ADGRG4: variants seen among roughly 807,000 people sequenced by gnomAD.
ADGRG4 encodes adhesion G protein-coupled receptor G4.
ADGRG4 carries 122 observed loss-of-function variants against 126.2 expected under a neutral mutation model. The observed-to-expected ratio is 0.97, with a 90% CI of 0.83 to 1.12. The LOEUF (loss-of-function observed/expected upper bound fraction) is 1.12. Ranked by LOEUF, ADGRG4 falls within the 50% of genes most tolerant of loss-of-function variation. ADGRG4 has a pLI of 0.00. For synonymous variants in ADGRG4, 943 were observed against 838.7 expected, an observed-to-expected ratio of 1.12 and a Z score of -2.15; for missense variants, 2,481 against 2,251.8, an observed-to-expected ratio of 1.10 and a Z score of -2.06.
chrX:136,357,792 A>T, intron 10 of ADGRG4, 36 bp downstream of exon 10: 1 of 955,217 alleles, frequency 1.0e-6, no homozygotes, highest in East Asian at 3.1e-5. Flanking sequence ...AATAGCTGGC[A>T]CATTTAGTTC....
At chrX:136,304,428 A>G (rs1053825500) in intron 2 of ADGRG4, among the ~76,000 whole-genome samples, 1 of 112,547 alleles carries the variant, frequency 8.9e-6, no homozygotes, top group Non-Finnish European at 1.9e-5. Context: ...CTCAGTTTCC[A>G]TCTCTAGAAG....
At chrX:136,307,185 A>G (rs1300986407) in intron 3 of ADGRG4, among the ~76,000 whole-genome samples, 1 of 112,620 alleles carries the variant, frequency 8.9e-6, no homozygotes, top group Non-Finnish European at 1.9e-5. Context: ...CATTTTATAG[A>G]TAGCAATCAT....
intron 23 of ADGRG4, among the ~76,000 whole-genome samples, chrX:136,410,454 T>C (rs1290598192): frequency 8.9e-6 from 1 of 111,919 alleles, no homozygotes; most frequent in African/African-American, 3.2e-5. Flanking sequence ...AGTAGTGCTG[T>C]AGCTGAAATT....
At chrX:136,353,271 A>G in intron 7 of ADGRG4, 66 bp from the exon 8 acceptor site, 1 of 717,304 alleles carries the variant, frequency 1.4e-6, no homozygotes, top group Admixed American at 2.3e-5. Flanking sequence ...CACCATCCCA[A>G]GTGATTTTGC....
chrX:136,361,488 C>G lies in ADGRG4; in HGVS notation c.7178C>G (p.Ser2393Cys). The change falls in exon 12 of 26, where the codon TCT becomes TGT. Residue 2393 changes from serine (S) to cysteine (C), a missense_variant. Transcript: ENST00000394143. The part of the protein sequence containing the change: ...PGNCKADETA[S>C]KYKGTYKWLL... ...AATTGCAAAGCTGATGAAACAGCCT[C>G]TAAATACAAAGGGACCTATAAGTGG... 1 of 1,184,127 alleles carries G rather than the reference C, an allele frequency of 8.4e-7. No homozygotes were observed. The highest frequency in any genetic ancestry group is 1.1e-6 in the Non-Finnish European group (1 of 878,811).
intron 4 of ADGRG4, among the ~76,000 whole-genome samples, chrX:136,322,231 G>A (rs995663987): frequency 9.0e-6 from 1 of 111,710 alleles, no homozygotes; most frequent in Non-Finnish European, 1.9e-5. Context: ...CGCCCAGCTG[G>A]TCATTCTTCA....
intron 13 of ADGRG4, among the ~76,000 whole-genome samples, chrX:136,366,725 T>C: frequency 8.9e-6 from 1 of 112,582 alleles, no homozygotes; most frequent in South Asian, 3.7e-4. Flanking sequence ...ATTTTGGCTA[T>C]TCTAATAGGT....
At chrX:136,393,391 G>A (rs1569336248) in intron 17 of ADGRG4, 144 bp from the exon 18 acceptor site, 2 of 425,870 alleles carry the variant, frequency 4.7e-6, no homozygotes, top group Non-Finnish European at 8.0e-6. Flanking sequence ...TGGCCCAAAT[G>A]TGTATGTGTA....
Position 136,349,330 on chromosome X carries a change from C to T in ADGRG4, c.5624C>T (p.Thr1875Ile). Residue 1875 changes from threonine to isoleucine, a missense_variant, in exon 6 of 26, where the codon ACC (threonine) becomes ATC (isoleucine). Physicochemically the swap from Thr to Ile is moderately conservative, Grantham distance 89. Coordinates refer to ENST00000394143, the MANE Select transcript of ADGRG4 (RefSeq NM_153834.4). The part of the protein sequence containing the change: ...VLGTRMTSSN[T>I]QPLLMTSWNI... ...GGAACAAGAATGACATCTAGTAATA[C>T]CCAACCTCTGCTTATGACTTCCTGG... The T allele has an allele frequency of 8.3e-7, 1 of 1,209,660 alleles. No homozygotes were observed. Among genetic ancestry groups the T allele is most frequent in the East Asian group, 3.0e-5 (1 of 33,792 alleles).
chrX:136,322,221 C>G lies in ADGRG4; in HGVS notation c.71-557C>G, dbSNP rs777631679. 4.5e-5 allele frequency among the ~76,000 whole-genome samples: 5 copies of G among 111,649 alleles called. No homozygotes were observed. In the East Asian group the frequency reaches 8.4e-4, roughly 19 times the overall value. ...CAAACAAGTCCCAGAGTTTCAGTAT[C>G]GCCCAGCTGGTCATTCTTCAGGCCT... On this transcript the variant is annotated intron_variant, in intron 4 of 25. Coordinates refer to ENST00000394143, the MANE Select transcript of ADGRG4 (RefSeq NM_153834.4).
Position 136,346,949 on chromosome X carries a change from T to C in ADGRG4, c.3243T>C (p.His1081=), listed in dbSNP as rs2075021462. 2 of 1,211,194 alleles carry C rather than the reference T, an allele frequency of 1.7e-6. No individual in the cohort carries two copies. Among genetic ancestry groups the C allele is most frequent in the East Asian group, 5.9e-5 (2 of 33,816 alleles). Reference sequence around the variant, plus strand: ...CAACCATTGTTATTGTGCCTACCCATGGAGACTTGATTCGTACCACTTCAG... The same window carrying C: ...CAACCATTGTTATTGTGCCTACCCACGGAGACTTGATTCGTACCACTTCAG... The part of the protein sequence containing the change: ...ASTTIVIVPT[H]GDLIRTTSEA... The change falls in exon 6 of 26, where the codon CAT becomes CAC. Residue 1081 remains histidine, a synonymous_variant. Coordinates refer to ENST00000394143, the MANE Select transcript of ADGRG4 (RefSeq NM_153834.4).
intron 5 of ADGRG4, among the ~76,000 whole-genome samples, chrX:136,338,157 G>A (rs185199285): frequency 1.2e-4 from 12 of 98,961 alleles, no homozygotes; most frequent in Admixed American, 5.4e-4. Flanking sequence ...TTTCCACTTG[G>A]TTCCTTTTTT....
chrX:136,384,264 T>C lies in ADGRG4; in HGVS notation c.7777-3476T>C, dbSNP rs1418946144. On this transcript the variant is annotated intron_variant, in intron 15 of 25. Transcript: ENST00000394143. Reference sequence around the variant, plus strand: ...AGATTATAATATACACTTGTATATTTTTTTACAGTCTACTTAGAGTTAATA... The same window carrying C: ...AGATTATAATATACACTTGTATATTCTTTTACAGTCTACTTAGAGTTAATA... Among the ~76,000 whole-genome samples, 11 of 110,544 alleles carry C rather than the reference T, an allele frequency of 1.0e-4. No individual in the cohort carries two copies. In the Admixed American group the frequency reaches 1.1e-3, roughly 11 times the overall value.
chrX:136,396,980 G>A (rs909684470), intron 19 of ADGRG4, among the ~76,000 whole-genome samples: 1 of 109,939 alleles, frequency 9.1e-6, no homozygotes, highest in Non-Finnish European at 1.9e-5. Flanking sequence ...AAGTAGGGAC[G>A]GGGTTTCACC....
chrX:136,376,348 G>T (rs1455917332), intron 15 of ADGRG4, among the ~76,000 whole-genome samples: 1 of 112,028 alleles, frequency 8.9e-6, no homozygotes, highest in Non-Finnish European at 1.9e-5. Flanking sequence ...CTCCAGATTT[G>T]TTCTTTTTGC....
intron 5 of ADGRG4, among the ~76,000 whole-genome samples, chrX:136,330,451 A>G (rs1404225373): frequency 1.8e-5 from 2 of 108,289 alleles, no homozygotes; most frequent in East Asian, 5.8e-4. Context: ...GTGTCTCAAT[A>G]GTTTACTCAT....
At chrX:136,403,896 A>G (rs1421303078) in intron 22 of ADGRG4, among the ~76,000 whole-genome samples, 4 of 111,396 alleles carry the variant, frequency 3.6e-5, no homozygotes, top group East Asian at 2.8e-4. Context: ...CTCAACCACA[A>G]TCACGCGAGA....
At chrX:136,362,405 G>A (rs1393630746) in intron 12 of ADGRG4, among the ~76,000 whole-genome samples, 1 of 110,967 alleles carries the variant, frequency 9.0e-6, no homozygotes, top group Non-Finnish European at 1.9e-5. Context: ...CGGTCTCCTT[G>A]CCATCTAACT....
chrX:136,303,060 G>A (rs2074712228), intron 1 of ADGRG4, among the ~76,000 whole-genome samples: 1 of 111,877 alleles, frequency 8.9e-6, no homozygotes, highest in Non-Finnish European at 1.9e-5. Context: ...GTGGCTCACA[G>A]CTGTTATTCT....
Sources: gnomAD v4.1 joint callset for allele counts (sites outside exome capture counted in the v4.1 genomes callset) on GRCh38, gnomAD v4.1.1 for gene constraint, MANE v1.5 for transcripts, NCBI Gene and HGNC (gene_info 2026-07-23, HGNC 2026-07-21) for gene names.